The following GLT8D2 variants were observed in gnomAD, a reference collection of about 807,000 sequenced individuals.
GLT8D2 encodes the protein glycosyltransferase 8 domain-containing protein 2.
A neutral mutation model predicts 44.5 loss-of-function variants in GLT8D2; 45 were observed. The ratio of observed to expected loss-of-function variants is 1.01; its 90% CI spans 0.80 to 1.30. The LOEUF (loss-of-function observed/expected upper bound fraction) is 1.30. Among genes scored for constraint, GLT8D2 ranks in the 50% most tolerant of loss-of-function variants. The probability of loss-of-function intolerance (pLI) is 0.00; values close to 1 mark genes in which losing one functional copy is unlikely to be tolerated. For missense variants in GLT8D2, 400 were observed against 430.4 expected (o/e 0.93, Z 0.62); for synonymous variants, 156 against 157.2 (o/e 0.99, Z 0.06).
Position 103,996,757 on chromosome 12 carries a change from A to T in GLT8D2, c.578T>A (p.Ile193Lys). The change falls in exon 8 of 11, where the codon ATA becomes AAA. Residue 193 changes from isoleucine (I) to lysine (K), a missense_variant. Transcript: ENST00000360814. ...CACCTGAAGTCCCACGAGTCTGTTT[A>T]TGTCCTGAGCAGAGGGCAAATCGCA... ...DDCDLPSAQD[I>K]NRLVGLQNTY... is the part of the protein sequence containing the mutation. The T allele has an allele frequency of 3.1e-6, 5 of 1,613,830 alleles. No individual in the cohort carries two copies. The highest frequency in any genetic ancestry group is 4.2e-6 in the Non-Finnish European group (5 of 1,179,772).
At chr12:104,032,870 T>C (rs553211814) in intron 1 of GLT8D2, among the ~76,000 whole-genome samples, 2 of 135,014 alleles carry the variant, frequency 1.5e-5, no homozygotes, top group African/African-American at 5.5e-5. Flanking sequence ...TCAGGTTCAT[T>C]GCAGCACTAT....
chr12:104,056,755 A>T (rs1249473089), intron 1 of GLT8D2, among the ~76,000 whole-genome samples: 2 of 152,226 alleles, frequency 1.3e-5, no homozygotes, highest in African/African-American at 2.4e-5. Flanking sequence ...TTTTCAGTCC[A>T]CAAAATTACT....
chr12:104,019,394 C>T (rs183018007), intron 3 of GLT8D2, among the ~76,000 whole-genome samples: 132 of 152,208 alleles, frequency 8.7e-4, no homozygotes, highest in Non-Finnish European at 1.6e-3. Flanking sequence ...TCCCAAAGTG[C>T]TAGGATTACA....
intron 4 of GLT8D2, among the ~76,000 whole-genome samples, chr12:104,004,672 A>G (rs1371623370): frequency 1.3e-5 from 2 of 152,250 alleles, no homozygotes; most frequent in African/African-American, 4.8e-5. Flanking sequence ...CCAACTTACG[A>G]GAGATGTGAA....
chr12:104,026,262 G>C (rs1029502018), intron 1 of GLT8D2, among the ~76,000 whole-genome samples: 1 of 143,802 alleles, frequency 7.0e-6, no homozygotes, highest in African/African-American at 2.6e-5. Flanking sequence ...TTGGGCGACA[G>C]AGCAAGACTC....
intron 1 of GLT8D2, among the ~76,000 whole-genome samples, chr12:104,023,737 C>T (rs2136395767): frequency 6.6e-6 from 1 of 152,258 alleles, no homozygotes; most frequent in South Asian, 2.1e-4. Flanking sequence ...GGTTCTCTGT[C>T]TCTGTAGTTT....
intron 1 of GLT8D2, among the ~76,000 whole-genome samples, chr12:104,063,045 G>A (rs1340575637): frequency 2.0e-5 from 3 of 152,038 alleles, no homozygotes; most frequent in Admixed American, 6.6e-5. Context: ...ATGATCTGAG[G>A]TGGAACAGTT....
chr12:104,061,499 C>G (rs1384823258), intron 1 of GLT8D2, among the ~76,000 whole-genome samples: 3 of 152,170 alleles, frequency 2.0e-5, no homozygotes, highest in Non-Finnish European at 4.4e-5. Flanking sequence ...AAACTCACTG[C>G]TTTATTCCAA....
chr12:104,008,882 G>A (rs895483325), intron 4 of GLT8D2, among the ~76,000 whole-genome samples: 26 of 152,372 alleles, frequency 1.7e-4, no homozygotes, highest in African/African-American at 6.3e-4. Flanking sequence ...GCTTCCACGT[G>A]GTGTTGAGCC....
intron 1 of GLT8D2, among the ~76,000 whole-genome samples, chr12:104,043,886 G>A (rs1238036107): frequency 6.6e-6 from 1 of 152,174 alleles, no homozygotes; most frequent in Non-Finnish European, 1.5e-5. Context: ...TTTCAAAATA[G>A]ATCCAGAATT....
rs933061637 is a variant in GLT8D2, at chr12:104,020,444, A to C, written c.-28-768T>G. ...TTATACTCAATTCAATCATTCATTCAGTATTTACATATTGAGATCCTACTA... is the reference window on the plus strand; with the variant it reads ...TTATACTCAATTCAATCATTCATTCCGTATTTACATATTGAGATCCTACTA... On this transcript the variant is annotated intron_variant, in intron 2 of 10. Transcript: ENST00000360814. 2.6e-5 allele frequency among the ~76,000 whole-genome samples: 4 copies of C among 152,212 alleles called. No individual in the cohort carries two copies. The East Asian group carries it at 7.7e-4, about 29-fold the overall frequency.
At chr12:104,050,453 C>G (rs367999135), upstream of GLT8D2, among the ~76,000 whole-genome samples, 24 of 152,330 alleles carry the variant, frequency 1.6e-4, no homozygotes, top group African/African-American at 5.3e-4. Flanking sequence ...ATCTCCTAGT[C>G]ATTGAAATGC....
chr12:104,016,775 G>GAAAGAAAGAAAGAAAGAAGGA (rs201617792), intron 3 of GLT8D2, among the ~76,000 whole-genome samples: 1 of 74,694 alleles, frequency 1.3e-5, no homozygotes, highest in Non-Finnish European at 2.7e-5. Flanking sequence ...AAGAAAGAAA[G>GAAAGAAAGAAAGAAAGAAGGA]AAGGAAGGAA....
chr12:104,045,082 C>T (rs1011128597), intron 1 of GLT8D2, among the ~76,000 whole-genome samples: 5 of 152,164 alleles, frequency 3.3e-5, no homozygotes, highest in Admixed American at 2.6e-4. Context: ...CTGTCCTGCC[C>T]CAAGGTGGGA....
chr12:104,054,045 T>G (rs918365237), upstream of GLT8D2, among the ~76,000 whole-genome samples: 12 of 152,180 alleles, frequency 7.9e-5, no homozygotes, highest in African/African-American at 2.9e-4. Flanking sequence ...ATGTACACTG[T>G]GTAATGATTA....
intron 1 of GLT8D2, chr12:104,030,703 T>C: frequency 1.2e-6 from 2 of 1,604,960 alleles, no homozygotes; most frequent in South Asian, 2.2e-5. Context: ...AAAAAACAAA[T>C]AACTTGATTT....
chr12:104,015,023 C>T lies in GLT8D2; in HGVS notation c.102G>A (p.Lys34=). The T allele has an allele frequency of 6.2e-7, 1 of 1,612,266 alleles. No homozygotes were observed. The highest frequency in any genetic ancestry group is 8.5e-7 in the Non-Finnish European group (1 of 1,178,380). ...TCCATGTCTGCTCACCTGCGTCATT[C>T]TTGGGCACAGTCCCCTTATGAACTT... ...YKKVHKGTVP[K]NDADDESETP... is the part of the protein sequence containing the mutation. Residue 34 remains lysine (K), a synonymous_variant, in exon 4 of 11, where the codon AAG becomes AAA. Transcript: ENST00000360814.
chr12:104,057,516 C>CAA (rs56844816), intron 1 of GLT8D2, among the ~76,000 whole-genome samples: 8 of 135,544 alleles, frequency 5.9e-5, no homozygotes, highest in African/African-American at 2.1e-4. Flanking sequence ...GACCCTGTCT[C>CAA]AAAAAAAAAA....
chr12:104,053,939 T>C (rs970571613), upstream of GLT8D2, among the ~76,000 whole-genome samples: 17 of 152,132 alleles, frequency 1.1e-4, no homozygotes, highest in African/African-American at 2.2e-4. Flanking sequence ...ATTGATTTTA[T>C]TGAATAATAT....
Sources: allele counts gnomAD v4.1 joint callset (sites outside exome capture counted in the v4.1 genomes callset), GRCh38; gene constraint gnomAD v4.1.1; transcripts MANE v1.5; gene names NCBI Gene and HGNC (gene_info 2026-07-23, HGNC 2026-07-21).